The following IL1RAPL2 variants were observed in gnomAD, a reference collection of about 807,000 sequenced individuals.
The protein encoded by IL1RAPL2 is X-linked interleukin-1 receptor accessory protein-like 2.
In IL1RAPL2, 3 loss-of-function variants were observed where a neutral mutation model predicts 44.1. The ratio of observed to expected loss-of-function variants is 0.07; its 90% CI spans 0.03 to 0.18. The LOEUF is 0.18. Among genes scored for constraint, IL1RAPL2 ranks in the 10% least tolerant of loss-of-function variants. The probability of loss-of-function intolerance (pLI) is 1.00; values close to 1 mark genes in which losing one functional copy is unlikely to be tolerated. For synonymous variants in IL1RAPL2, 181 were observed against 178.8 expected, an observed-to-expected ratio of 1.01 and a Z score of -0.10; for missense variants, 391 against 496.4, an observed-to-expected ratio of 0.79 and a Z score of 2.02.
chrX:105,092,020 G>A (rs1288700745), intron 2 of IL1RAPL2, among the ~76,000 whole-genome samples: 1 of 112,210 alleles, frequency 8.9e-6, no homozygotes, highest in East Asian at 2.8e-4. Flanking sequence ...CTTATGATGT[G>A]TGCTTGATAA....
intron 2 of IL1RAPL2, among the ~76,000 whole-genome samples, chrX:105,040,378 G>A (rs1294541346): frequency 9.0e-6 from 1 of 111,415 alleles, no homozygotes; most frequent in Non-Finnish European, 1.9e-5. Context: ...TTTGGTATGA[G>A]GATGATGCTG....
At chrX:105,742,851 G>A (rs1404090709) in intron 8 of IL1RAPL2, among the ~76,000 whole-genome samples, 1 of 111,287 alleles carries the variant, frequency 9.0e-6, no homozygotes, top group African/African-American at 3.3e-5. Flanking sequence ...TCCCAAACAG[G>A]ATTCCTAATT....
At chrX:105,142,621 C>A (rs59435216) in intron 2 of IL1RAPL2, among the ~76,000 whole-genome samples, 1 of 106,137 alleles carries the variant, frequency 9.4e-6, no homozygotes, top group Admixed American at 9.9e-5. Flanking sequence ...CTTTCACATT[C>A]TTTTTTTTCT....
At chrX:104,834,728 A>G (rs994426480) in intron 2 of IL1RAPL2, among the ~76,000 whole-genome samples, 1 of 111,876 alleles carries the variant, frequency 8.9e-6, no homozygotes, top group African/African-American at 3.2e-5. Flanking sequence ...ATGGAGGGTA[A>G]TGCAACCTGT....
intron 2 of IL1RAPL2, among the ~76,000 whole-genome samples, chrX:104,884,299 T>C (rs1314211996): frequency 2.0e-4 from 22 of 111,878 alleles, no homozygotes; most frequent in Non-Finnish European, 4.1e-4. Flanking sequence ...TGCTGCTGCG[T>C]TGATGAGTGC....
intron 2 of IL1RAPL2, among the ~76,000 whole-genome samples, chrX:104,669,558 C>T (rs1014096866): frequency 4.5e-5 from 5 of 111,783 alleles, no homozygotes; most frequent in African/African-American, 1.6e-4. Flanking sequence ...CATATTGGAA[C>T]CACCCAGGGA....
At chrX:104,824,931 T>C (rs1257335056) in intron 2 of IL1RAPL2, among the ~76,000 whole-genome samples, 1 of 111,821 alleles carries the variant, frequency 8.9e-6, no homozygotes, top group African/African-American at 3.2e-5. Context: ...ATCACACTAT[T>C]TATTGCCATA....
At chrX:104,629,799 T>A (rs1929597325) in intron 1 of IL1RAPL2, among the ~76,000 whole-genome samples, 1 of 111,917 alleles carries the variant, frequency 8.9e-6, no homozygotes, top group African/African-American at 3.3e-5. Context: ...TTCCCCAATG[T>A]GTGTTCTTAG....
At chrX:105,483,697 G>A (rs1443710473) in intron 5 of IL1RAPL2, among the ~76,000 whole-genome samples, 1 of 111,674 alleles carries the variant, frequency 9.0e-6, no homozygotes, top group African/African-American at 3.3e-5. Context: ...CTATTATGGT[G>A]TGCTAGTCCT....
chrX:105,220,243 G>A (rs2033942228), intron 3 of IL1RAPL2: 1 of 1,211,556 alleles, frequency 8.3e-7, no homozygotes. Context: ...CTCCAGTATG[G>A]CCCTCAGCTT....
intron 2 of IL1RAPL2, among the ~76,000 whole-genome samples, chrX:104,807,325 G>A (rs1019677433): frequency 9.0e-6 from 1 of 111,419 alleles, no homozygotes; most frequent in African/African-American, 3.3e-5. Context: ...AGTATTTACG[G>A]GAATAATAGG....
intron 3 of IL1RAPL2, 135 bp downstream of exon 3, chrX:105,195,883 T>A: frequency 1.8e-6 from 1 of 566,610 alleles, no homozygotes; most frequent in Non-Finnish European, 2.9e-6. Flanking sequence ...GGAGCTTCAG[T>A]AAATTCCAGT....
chrX:104,848,647 A>G (rs1159096451), intron 2 of IL1RAPL2, among the ~76,000 whole-genome samples: 6 of 108,332 alleles, frequency 5.5e-5, no homozygotes, highest in Non-Finnish European at 7.6e-5. Flanking sequence ...AAAATTATAC[A>G]TATTAATTAG....
At position 105,070,712 on chromosome X, in the gene IL1RAPL2, A is replaced by AT. The variant is rs773847847; in HGVS notation, c.83-124763_83-124762insT. ...CTGTCTCAAAAAATAAAAATAAAAA[A>AT]ATATATATATATATTTATGTGTGTG... On this transcript the variant is annotated intron_variant, in intron 2 of 10. Coordinates refer to ENST00000372582, the MANE Select transcript of IL1RAPL2 (RefSeq NM_017416.2). 4.7e-3 allele frequency among the ~76,000 whole-genome samples: 494 copies of AT among 106,117 alleles called. 6 individuals are homozygous for AT. The highest frequency in any genetic ancestry group is 0.017 in the African/African-American group (475 of 28,055). The allele number at this position is 106,117 out of a possible 115,157, so 92.1% of individuals were successfully genotyped here. A position where few individuals can be genotyped will look rare whatever the true frequency, so the allele number is the denominator to read the frequency against.
chrX:105,413,604 C>T (rs1287729565), intron 5 of IL1RAPL2, among the ~76,000 whole-genome samples: 1 of 112,228 alleles, frequency 8.9e-6, no homozygotes, highest in African/African-American at 3.2e-5. Context: ...TCATTTTTAG[C>T]TCATCAGGAC....
chrX:104,620,976 T>C (rs1602647369), intron 1 of IL1RAPL2, among the ~76,000 whole-genome samples: 1 of 100,731 alleles, frequency 9.9e-6, no homozygotes, highest in Middle Eastern at 4.8e-3. Context: ...TATAATAATA[T>C]AATATAATAA....
At chrX:105,588,360 C>A (rs1275808890) in intron 6 of IL1RAPL2, among the ~76,000 whole-genome samples, 1 of 111,563 alleles carries the variant, frequency 9.0e-6, no homozygotes, top group Non-Finnish European at 1.9e-5. Context: ...TAGATAAAGA[C>A]AAAATATATT....
intron 2 of IL1RAPL2, among the ~76,000 whole-genome samples, chrX:105,167,589 T>C (rs1332916442): frequency 9.1e-6 from 1 of 110,128 alleles, no homozygotes; most frequent in Admixed American, 9.7e-5. Context: ...GGAAGGGCTG[T>C]AAAGCTAAGA....
chrX:104,847,834 G>A (rs1318549250), intron 2 of IL1RAPL2, among the ~76,000 whole-genome samples: 2 of 111,654 alleles, frequency 1.8e-5, no homozygotes, highest in East Asian at 2.8e-4. Context: ...AGCATGGAAT[G>A]TTCTTCCATT....
Sources: allele counts gnomAD v4.1 joint callset (sites outside exome capture counted in the v4.1 genomes callset), GRCh38; gene constraint gnomAD v4.1.1; transcripts MANE v1.5; gene names NCBI Gene and HGNC (gene_info 2026-07-23, HGNC 2026-07-21).